The following ADCY2 variants were observed in gnomAD, a reference collection of about 807,000 sequenced individuals.
ADCY2 encodes the protein adenylate cyclase type 2.
A neutral mutation model predicts 125.2 loss-of-function variants in ADCY2; 31 were observed. That is an observed-to-expected ratio of 0.25 (90% CI 0.19 to 0.33). ADCY2 has a LOEUF of 0.33. Ranked by LOEUF, ADCY2 falls within the 10% of genes least tolerant of loss-of-function variation. The pLI is 1.00. For synonymous variants in ADCY2, 512 were observed against 548.4 expected (o/e 0.93, Z 0.93); for missense variants, 904 against 1,418.2 (o/e 0.64, Z 5.82).
chr5:7,717,314 A>AGCT, intron 12 of ADCY2, 77 bp downstream of exon 12: 1 of 1,011,936 alleles, frequency 9.9e-7, no homozygotes, highest in Non-Finnish European at 1.5e-6. Flanking sequence ...GCTCTGCAAT[A>AGCT]GTTACCATGA....
intron 4 of ADCY2, chr5:7,685,194 G>C (rs1740477321): frequency 6.6e-6 from 1 of 152,326 alleles, no homozygotes; most frequent in Non-Finnish European, 1.5e-5. Flanking sequence ...GTGGGAATTT[G>C]ATCCCTTGGG....
intron 4 of ADCY2, among the ~76,000 whole-genome samples, chr5:7,673,253 A>AC (rs1225031589): frequency 5.6e-5 from 1 of 17,944 alleles, no homozygotes; most frequent in Admixed American, 1.0e-3. Flanking sequence ...AAAAAAAAAA[A>AC]AAAAAAAAAA....
chr5:7,521,963 C>T (rs1255711009), intron 3 of ADCY2, among the ~76,000 whole-genome samples: 1 of 152,122 alleles, frequency 6.6e-6, no homozygotes, highest in Non-Finnish European at 1.5e-5. Context: ...GAGTTTCACC[C>T]TGGCTTGTTT....
At chr5:7,480,290 A>G (rs1436511009) in intron 2 of ADCY2, among the ~76,000 whole-genome samples, 2 of 152,232 alleles carry the variant, frequency 1.3e-5, no homozygotes, top group Non-Finnish European at 1.5e-5. Context: ...CATTATAAGG[A>G]CACATGTATT....
intron 14 of ADCY2, among the ~76,000 whole-genome samples, chr5:7,736,474 A>G (rs1222504911): frequency 2.6e-5 from 4 of 152,220 alleles, no homozygotes; most frequent in South Asian, 2.1e-4. Flanking sequence ...AGTCAGCTCT[A>G]TTAGTAACAC....
intron 3 of ADCY2, among the ~76,000 whole-genome samples, chr5:7,599,455 T>C (rs1381751740): frequency 2.0e-5 from 3 of 152,096 alleles, no homozygotes; most frequent in Non-Finnish European, 4.4e-5. Context: ...ACCAAATGCA[T>C]AGAGAGAATG....
At chr5:7,607,046 T>C (rs1012060179) in intron 3 of ADCY2, among the ~76,000 whole-genome samples, 5 of 152,292 alleles carry the variant, frequency 3.3e-5, no homozygotes, top group African/African-American at 1.2e-4. Flanking sequence ...GTGAGCCCTT[T>C]GATCCTGTTC....
chr5:7,636,536 G>A (rs1419396789), intron 4 of ADCY2, among the ~76,000 whole-genome samples: 1 of 152,306 alleles, frequency 6.6e-6, no homozygotes, highest in East Asian at 1.9e-4. Flanking sequence ...TGTCTTGATT[G>A]ACCACCTTGA....
chr5:7,722,431 C>T (rs1741790012), intron 12 of ADCY2, among the ~76,000 whole-genome samples: 2 of 152,044 alleles, frequency 1.3e-5, no homozygotes, highest in South Asian at 2.1e-4. Context: ...AGTAAGTTAC[C>T]TGCATATATT....
At chr5:7,565,990 A>G (rs531598242) in intron 3 of ADCY2, among the ~76,000 whole-genome samples, 1 of 152,220 alleles carries the variant, frequency 6.6e-6, no homozygotes, top group Non-Finnish European at 1.5e-5. Flanking sequence ...AAGAAAAAGT[A>G]TATCTAGCCT....
intron 2 of ADCY2, among the ~76,000 whole-genome samples, chr5:7,484,323 C>T (rs1308766847): frequency 1.3e-5 from 2 of 152,044 alleles, no homozygotes; most frequent in African/African-American, 4.8e-5. Context: ...AAAAATAATC[C>T]AATTTGCAGG....
intron 17 of ADCY2, among the ~76,000 whole-genome samples, chr5:7,771,960 C>T (rs1438723201): frequency 1.3e-5 from 2 of 152,172 alleles, no homozygotes; most frequent in African/African-American, 2.4e-5. Flanking sequence ...TTCACAGAAA[C>T]CCCGTAATGT....
intron 3 of ADCY2, among the ~76,000 whole-genome samples, chr5:7,527,039 A>G (rs577052982): frequency 6.6e-6 from 1 of 152,378 alleles, no homozygotes; most frequent in South Asian, 2.1e-4. Flanking sequence ...GTTCCATGAT[A>G]GAAGCAAGGA....
Position 7,396,214 on chromosome 5 carries a change from C to T in ADCY2, c.-83C>T, listed in dbSNP as rs113406393. 145,766 of 788,214 alleles carry T rather than the reference C, an allele frequency of 0.18. 14,590 individuals carry two copies. Among genetic ancestry groups the T allele is most frequent in the Non-Finnish European group, 0.2 (133,054 of 656,990 alleles). 48.8% of individuals were successfully genotyped at this position (788,214 alleles called of 1,614,324 possible). On this transcript the variant is annotated 5_prime_UTR_variant, in exon 1 of 25. Transcript: ENST00000338316. This position sits in a 1 kb window ranked among gnomAD's most constrained non-coding sequence, Gnocchi z 5.7. Reference sequence around the variant, plus strand: ...CCGGCAGCCGGGCCGGCCGAGGCGGCGCGGGGGTGGGACGCGGGCGGCCGC... The same window carrying T: ...CCGGCAGCCGGGCCGGCCGAGGCGGTGCGGGGGTGGGACGCGGGCGGCCGC...
chr5:7,448,673 C>A lies in ADCY2; in HGVS notation c.408+33903C>A, dbSNP rs180685483. 2.0e-3 allele frequency among the ~76,000 whole-genome samples: 302 copies of A among 152,182 alleles called. 3 individuals are homozygous for A. Among genetic ancestry groups the A allele is most frequent in the African/African-American group, 6.8e-3 (282 of 41,524 alleles). ...CAGGTCCTCGTGTGTGTTGTTCCCC[C>A]ACATGTGTCCATGTGTTCTCATCAT... On this transcript the variant is annotated intron_variant, in intron 2 of 24. Transcript: ENST00000338316.
intron 3 of ADCY2, among the ~76,000 whole-genome samples, chr5:7,591,167 A>G (rs957238825): frequency 6.6e-6 from 1 of 152,204 alleles, no homozygotes; most frequent in Non-Finnish European, 1.5e-5. Context: ...CGTGCAGTTT[A>G]CATTTTTTAA....
At chr5:7,657,768 C>T (rs1368709368) in intron 4 of ADCY2, among the ~76,000 whole-genome samples, 2 of 152,180 alleles carry the variant, frequency 1.3e-5, no homozygotes, top group African/African-American at 2.4e-5. Context: ...ATGAGGTTTC[C>T]GGGGGTCACA....
chr5:7,622,532 CAGG>C (rs1447945833), intron 3 of ADCY2, among the ~76,000 whole-genome samples: 1 of 152,170 alleles, frequency 6.6e-6, no homozygotes, highest in Non-Finnish European at 1.5e-5. Context: ...TATCTACAGA[CAGG>C]AGGGGTTCAA....
At chr5:7,479,467 C>T (rs1742643924) in intron 2 of ADCY2, among the ~76,000 whole-genome samples, 1 of 151,832 alleles carries the variant, frequency 6.6e-6, no homozygotes, top group Non-Finnish European at 1.5e-5. Flanking sequence ...TTTGTGGGTA[C>T]ATAGGTATAT....
Sources: allele counts gnomAD v4.1 joint callset (sites outside exome capture counted in the v4.1 genomes callset), GRCh38; gene constraint gnomAD v4.1.1; non-coding constraint Gnocchi (gnomAD v3.1); transcripts MANE v1.5; gene names NCBI Gene and HGNC (gene_info 2026-07-23, HGNC 2026-07-21).